Variants in WTAP observed in about 807,000 individuals in gnomAD.
WTAP encodes the protein WT1 associated protein.
WTAP carries 8 observed loss-of-function variants against 50.0 expected under a neutral mutation model. The observed-to-expected ratio is 0.16, with a 90% CI of 0.09 to 0.29. The LOEUF is 0.29. Among genes scored for constraint, WTAP ranks in the 10% least tolerant of loss-of-function variants. The pLI is 1.00. For missense variants in WTAP, 295 were observed against 470.7 expected (o/e 0.63, Z 3.45); for synonymous variants, 194 against 169.0 (o/e 1.15, Z -1.15).
chr6:159,732,455 C>T (rs988029050), intron 1 of WTAP, among the ~76,000 whole-genome samples: 4 of 152,102 alleles, frequency 2.6e-5, no homozygotes, highest in Non-Finnish European at 4.4e-5. Flanking sequence ...ATTTTATGTT[C>T]GTATATACAT....
At chr6:159,746,510 A>G (rs76224198) in intron 5 of WTAP, among the ~76,000 whole-genome samples, 2,270 of 152,098 alleles carry the variant, frequency 0.015, 47 homozygotes, top group African/African-American at 0.051. Flanking sequence ...CAGCATACTA[A>G]CTCATCCATT....
chr6:159,749,523 T>G, intron 6 of WTAP: 1 of 813,460 alleles, frequency 1.2e-6, no homozygotes, highest in African/African-American at 1.9e-5. Flanking sequence ...GAGAGCAGAT[T>G]CATTTTGGAA....
intron 1 of WTAP, among the ~76,000 whole-genome samples, chr6:159,733,505 C>T (rs1428323583): frequency 6.6e-6 from 1 of 152,070 alleles, no homozygotes; most frequent in South Asian, 2.1e-4. Context: ...GCCTGTAGTC[C>T]CAGGTACTCG....
chr6:159,728,984 T>C (rs1161534602), intron 1 of WTAP, among the ~76,000 whole-genome samples: 3 of 152,228 alleles, frequency 2.0e-5, no homozygotes, highest in African/African-American at 4.8e-5. Flanking sequence ...CATGGCTCTT[T>C]TATGTCTAGC....
chr6:159,752,118 A>G lies in WTAP; in HGVS notation c.453-1342A>G, dbSNP rs576968608. On this transcript the variant is annotated intron_variant, in intron 6 of 7. Coordinates refer to ENST00000621533, the MANE Select transcript of WTAP (RefSeq NM_001270531.2). ...GAACCATGCAACACTTCAAAGATTG[A>G]TAAAATATTTACAAAATGCTCTCAT... 4.6e-5 allele frequency among the ~76,000 whole-genome samples: 7 copies of G among 152,256 alleles called. No homozygotes were observed. The South Asian group carries it at 1.5e-3, about 32-fold the overall frequency.
intron 2 of WTAP, 167 bp downstream of exon 2, chr6:159,736,462 A>G (rs1778923965): frequency 9.2e-6 from 5 of 544,658 alleles, no homozygotes; most frequent in East Asian, 2.9e-5. Flanking sequence ...TGTGCCAGAT[A>G]TTGTATCTTA....
chr6:159,732,890 T>TA (rs1391566730), intron 1 of WTAP, among the ~76,000 whole-genome samples: 20 of 43,350 alleles, frequency 4.6e-4, no homozygotes, highest in African/African-American at 9.4e-4. Flanking sequence ...ATATATAGTG[T>TA]GTGTGTGTGT....
chr6:159,750,007 A>T (rs1209148197), intron 6 of WTAP, among the ~76,000 whole-genome samples: 1 of 152,156 alleles, frequency 6.6e-6, no homozygotes, highest in Non-Finnish European at 1.5e-5. Flanking sequence ...CATTCAAATC[A>T]ATTGTAAGTA....
At chr6:159,736,917 C>T (rs1217470892) in intron 2 of WTAP, among the ~76,000 whole-genome samples, 1 of 152,162 alleles carries the variant, frequency 6.6e-6, no homozygotes, top group South Asian at 2.1e-4. Context: ...GCTTACTAAA[C>T]TTAATATTTA....
intron 5 of WTAP, 143 bp downstream of exon 5, chr6:159,743,935 T>C (rs911032131): frequency 5.4e-5 from 52 of 968,936 alleles, no homozygotes; most frequent in Non-Finnish European, 6.9e-5. Context: ...TTAAGAATAC[T>C]AGATGAAAAA....
At chr6:159,727,206 G>C, upstream of WTAP, 3 of 1,246,418 alleles carry the variant, frequency 2.4e-6, no homozygotes, top group Non-Finnish European at 3.1e-6. Flanking sequence ...CCGGGGAGCA[G>C]CTGCTCCATT....
intron 1 of WTAP, among the ~76,000 whole-genome samples, chr6:159,732,852 C>A (rs771469866): frequency 3.0e-5 from 2 of 67,084 alleles, no homozygotes; most frequent in Non-Finnish European, 5.3e-5. Flanking sequence ...CTGCTTCTTT[C>A]TCTCTCTCTC....
intron 3 of WTAP, among the ~76,000 whole-genome samples, chr6:159,740,481 A>G (rs1002569287): frequency 1.3e-5 from 2 of 152,058 alleles, no homozygotes; most frequent in Non-Finnish European, 2.9e-5. Context: ...TGTGATATAC[A>G]TGTTCTTGCT....
At chr6:159,740,137 G>T (rs933581679) in intron 3 of WTAP, among the ~76,000 whole-genome samples, 5 of 151,656 alleles carry the variant, frequency 3.3e-5, no homozygotes, top group Admixed American at 2.0e-4. Context: ...GGGCCACCAT[G>T]CCTGGCCATG....
intron 1 of WTAP, among the ~76,000 whole-genome samples, chr6:159,728,102 G>A (rs1398923148): frequency 6.6e-6 from 1 of 152,246 alleles, no homozygotes; most frequent in Non-Finnish European, 1.5e-5. Context: ...AGGAAAAAAA[G>A]AAACATTCGT....
chr6:159,755,745 CTTTGTTTTTTT>C lies in WTAP; in HGVS notation c.*138_*148del. On this transcript the variant is annotated 3_prime_UTR_variant, in exon 8 of 8. Transcript: ENST00000621533. Reference sequence around the variant, plus strand: ...TTGGTTTTTTTTTGTTGTTTTTTTTCTTTGTTTTTTTTTTCTTTTCTTTTTTTTTTTTTTTT... The same window carrying C: ...TTGGTTTTTTTTTGTTGTTTTTTTTCTTTCTTTTCTTTTTTTTTTTTTTTT... 1 of 287,162 alleles carries C rather than the reference CTTTGTTTTTTT, an allele frequency of 3.5e-6. No homozygotes were observed. The highest frequency in any genetic ancestry group is 4.5e-6 in the Non-Finnish European group (1 of 222,928). The allele number at this position is 287,162 out of a possible 1,614,324, so 17.8% of individuals were successfully genotyped here.
chr6:159,731,583 T>G (rs1214457195), intron 1 of WTAP, among the ~76,000 whole-genome samples: 1 of 152,254 alleles, frequency 6.6e-6, no homozygotes, highest in Non-Finnish European at 1.5e-5. Context: ...ACAGTATGAT[T>G]ATTATCCTCA....
intron 4 of WTAP, among the ~76,000 whole-genome samples, chr6:159,743,054 A>G (rs113798508): frequency 1.3e-5 from 2 of 151,624 alleles, no homozygotes; most frequent in African/African-American, 4.8e-5. Flanking sequence ...TTATTTATTT[A>G]TTTGTTTGTT....
At chr6:159,733,402 C>T (rs897108944) in intron 1 of WTAP, among the ~76,000 whole-genome samples, 2 of 152,010 alleles carry the variant, frequency 1.3e-5, no homozygotes, top group Non-Finnish European at 2.9e-5. Flanking sequence ...GGATTGCTTG[C>T]GCCCAGGAGT....
Sources: gnomAD v4.1 joint callset for allele counts (sites outside exome capture counted in the v4.1 genomes callset) on GRCh38, gnomAD v4.1.1 for gene constraint, MANE v1.5 for transcripts, NCBI Gene and HGNC (gene_info 2026-07-23, HGNC 2026-07-21) for gene names.